CTDSPL2: variants seen among roughly 807,000 people sequenced by gnomAD.
CTDSPL2 encodes CTD small phosphatase like 2.
In CTDSPL2, 5 loss-of-function variants were observed where a neutral mutation model predicts 60.0. The ratio of observed to expected loss-of-function variants is 0.08; its 90% CI spans 0.04 to 0.18. CTDSPL2 has a LOEUF of 0.18. Ranked by LOEUF, CTDSPL2 falls within the 10% of genes least tolerant of loss-of-function variation. The pLI, the probability that CTDSPL2 is intolerant of heterozygous loss-of-function variation, is 1.00. For synonymous variants in CTDSPL2, 186 were observed against 189.3 expected, an observed-to-expected ratio of 0.98 and a Z score of 0.14; for missense variants, 370 against 548.8, an observed-to-expected ratio of 0.67 and a Z score of 3.26.
chr15:44,434,817 A>C (rs1002969439), intron 1 of CTDSPL2, among the ~76,000 whole-genome samples: 5 of 152,176 alleles, frequency 3.3e-5, no homozygotes, highest in African/African-American at 1.2e-4. Flanking sequence ...TATTTTGCCA[A>C]ATGTTTTTGA....
At chr15:44,433,753 C>G (rs1886449421) in intron 1 of CTDSPL2, among the ~76,000 whole-genome samples, 1 of 151,558 alleles carries the variant, frequency 6.6e-6, no homozygotes, top group African/African-American at 2.4e-5. Flanking sequence ...AGTTCGAGAC[C>G]AGCCTGACCA....
intron 1 of CTDSPL2, chr15:44,449,357 G>T (rs1271566800): frequency 2.5e-5 from 4 of 157,750 alleles, no homozygotes; most frequent in South Asian, 1.9e-4. Context: ...TTCAGTGCCT[G>T]TTGCCCAGGC....
chr15:44,478,294 A>T lies in CTDSPL2; in HGVS notation c.187-5930A>T, dbSNP rs568515421. ...GAAACCGTCTCTACTAAAAAAGAAA[A>T]TACAAAAATTTCCTCAGCGTGGTGG... On this transcript the variant is annotated intron_variant, in intron 2 of 12. Transcript: ENST00000260327. Among the ~76,000 whole-genome samples the T allele has an allele frequency of 4.0e-5, 6 of 151,776 alleles. No individual in the cohort carries two copies. In the South Asian group the frequency reaches 1.3e-3, roughly 32 times the overall value.
At chr15:44,441,613 C>T (rs573714215) in intron 1 of CTDSPL2, among the ~76,000 whole-genome samples, 1 of 152,146 alleles carries the variant, frequency 6.6e-6, no homozygotes, top group Non-Finnish European at 1.5e-5. Context: ...CCGTGGTCTA[C>T]CTCAGGTGAG....
intron 5 of CTDSPL2, among the ~76,000 whole-genome samples, chr15:44,494,829 T>G (rs1189950068): frequency 6.7e-6 from 1 of 149,926 alleles, no homozygotes; most frequent in Non-Finnish European, 1.5e-5. Flanking sequence ...GGCAGGAGAT[T>G]TGCTTGAACC....
chr15:44,470,077 G>C (rs1007308142), intron 2 of CTDSPL2, among the ~76,000 whole-genome samples: 1 of 128,786 alleles, frequency 7.8e-6, no homozygotes, highest in Non-Finnish European at 1.6e-5. Context: ...CAGCCTGGGC[G>C]ACAGAGCGAG....
At chr15:44,483,993 A>T (rs1336329568) in intron 2 of CTDSPL2, among the ~76,000 whole-genome samples, 1 of 152,206 alleles carries the variant, frequency 6.6e-6, no homozygotes, top group Non-Finnish European at 1.5e-5. Flanking sequence ...TGGGGAAGGG[A>T]TCTGAATTGT....
chr15:44,462,777 G>A (rs544542977), intron 2 of CTDSPL2, among the ~76,000 whole-genome samples: 1 of 143,022 alleles, frequency 7.0e-6, no homozygotes, highest in South Asian at 2.2e-4. Context: ...CACAATCTCA[G>A]CTCACTGCAA....
intron 1 of CTDSPL2, among the ~76,000 whole-genome samples, chr15:44,435,295 C>A (rs184851065): frequency 1.3e-5 from 2 of 149,804 alleles, no homozygotes; most frequent in Non-Finnish European, 3.0e-5. Flanking sequence ...TCTAACTGTG[C>A]GCAATGGCTC....
intron 2 of CTDSPL2, among the ~76,000 whole-genome samples, chr15:44,464,380 C>T (rs2080640522): frequency 6.6e-6 from 1 of 152,180 alleles, no homozygotes; most frequent in South Asian, 2.1e-4. Context: ...CCTAGTTTAC[C>T]TGGCTCCAGA....
chr15:44,491,307 T>G (rs925520489), intron 5 of CTDSPL2, among the ~76,000 whole-genome samples: 2 of 152,186 alleles, frequency 1.3e-5, no homozygotes, highest in Non-Finnish European at 2.9e-5. Context: ...ATCCTTATTA[T>G]TATTGCACAA....
At chr15:44,433,457 T>TACAC (rs920603099) in intron 1 of CTDSPL2, among the ~76,000 whole-genome samples, 14 of 101,284 alleles carry the variant, frequency 1.4e-4, no homozygotes, top group South Asian at 2.8e-4. Context: ...TATACATATA[T>TACAC]ATACACACAC....
At chr15:44,431,444 T>A (rs1240428511) in intron 1 of CTDSPL2, among the ~76,000 whole-genome samples, 1 of 152,250 alleles carries the variant, frequency 6.6e-6, no homozygotes, top group East Asian at 1.9e-4. Context: ...TGGACGTGCA[T>A]TACAAATAGG....
chr15:44,496,369 A>T lies in CTDSPL2; in HGVS notation c.692-11A>T, dbSNP rs1227979766. On this transcript the variant is annotated splice_polypyrimidine_tract_variant and intron_variant, in intron 5 of 12. Transcript: ENST00000260327. ...TAAAAGCAACATTTTTTCTTTCACTATGTTAAATAGCACCAGTAACTCCAG... is the reference window on the plus strand; with the variant it reads ...TAAAAGCAACATTTTTTCTTTCACTTTGTTAAATAGCACCAGTAACTCCAG... 6.3e-7 allele frequency: 1 copy of T among 1,599,166 alleles called. No homozygotes were observed. Among genetic ancestry groups the T allele is most frequent in the South Asian group, 1.1e-5 (1 of 90,118 alleles).
chr15:44,514,883 C>G, intron 10 of CTDSPL2, 39 bp downstream of exon 10: 1 of 1,169,224 alleles, frequency 8.6e-7, no homozygotes, highest in Non-Finnish European at 1.2e-6. Flanking sequence ...GTCTGTCACA[C>G]TGATCTATGA....
At position 44,524,408 on chromosome 15, in the gene CTDSPL2, C is replaced by T. The variant is rs1019352818; in HGVS notation, c.*234C>T. 2.2e-6 allele frequency: 1 copy of T among 464,238 alleles called. No individual in the cohort carries two copies. Among genetic ancestry groups the T allele is most frequent in the African/African-American group, 2.0e-5 (1 of 50,360 alleles). 28.8% of individuals were successfully genotyped at this position (464,238 alleles called of 1,614,324 possible). ...AGAGTCTTTAGAACTAGTGCAACTCCAGTGAAATTTTTTATGTACAGGACA... is the reference window on the plus strand; with the variant it reads ...AGAGTCTTTAGAACTAGTGCAACTCTAGTGAAATTTTTTATGTACAGGACA... On this transcript the variant is annotated 3_prime_UTR_variant, in exon 13 of 13. Transcript: ENST00000260327.
chr15:44,471,525 C>A (rs1190892151), intron 2 of CTDSPL2, among the ~76,000 whole-genome samples: 1 of 152,118 alleles, frequency 6.6e-6, no homozygotes, highest in South Asian at 2.1e-4. Context: ...AGGCCATCAA[C>A]GTATCTGTCA....
intron 8 of CTDSPL2, among the ~76,000 whole-genome samples, chr15:44,509,490 A>T (rs2081529843): frequency 6.6e-6 from 1 of 152,144 alleles, no homozygotes; most frequent in Non-Finnish European, 1.5e-5. Flanking sequence ...TACAGGCGTG[A>T]CCTACCACGC....
At chr15:44,494,311 G>A (rs1475756409) in intron 5 of CTDSPL2, among the ~76,000 whole-genome samples, 2 of 152,102 alleles carry the variant, frequency 1.3e-5, no homozygotes. Flanking sequence ...AAGTAAAATA[G>A]TAAGTCTTCT....
Sources: allele counts gnomAD v4.1 joint callset (sites outside exome capture counted in the v4.1 genomes callset), GRCh38; gene constraint gnomAD v4.1.1; transcripts MANE v1.5; gene names NCBI Gene and HGNC (gene_info 2026-07-23, HGNC 2026-07-21).